SYNPO: variants seen among roughly 807,000 people sequenced by gnomAD.
SYNPO encodes the protein synaptopodin.
Under a neutral mutation model 49.5 loss-of-function variants are expected in SYNPO, and 19 were observed. The observed-to-expected ratio is 0.38, with a 90% CI of 0.27 to 0.56. The LOEUF (loss-of-function observed/expected upper bound fraction) is 0.56. Among genes scored for constraint, SYNPO ranks in the 20% least tolerant of loss-of-function variants. The pLI is 0.68. For missense variants in SYNPO, 1,131 were observed against 1,248.3 expected, an observed-to-expected ratio of 0.91 and a Z score of 1.42; for synonymous variants, 536 against 548.0, an observed-to-expected ratio of 0.98 and a Z score of 0.31.
At chr5:150,651,254 C>T (rs755884170) in intron 2 of SYNPO, 46 of 1,001,966 alleles carry the variant, frequency 4.6e-5, no homozygotes, top group Admixed American at 1.2e-4. Flanking sequence ...CACCTCAGCG[C>T]AGTGGAACGG....
At chr5:150,628,067 G>GTGTGTGTGT (rs1561643388) in intron 2 of SYNPO, among the ~76,000 whole-genome samples, 3 of 126,682 alleles carry the variant, frequency 2.4e-5, no homozygotes, top group African/African-American at 8.9e-5. Context: ...TGTGTGTGTG[G>GTGTGTGTGT]TCAGAGTCTT....
At position 150,656,272 on chromosome 5, in the gene SYNPO, G is replaced by A. The variant is rs1035523898; in HGVS notation, c.2029-132G>A. 8 of 698,908 alleles carry A rather than the reference G, an allele frequency of 1.1e-5. No homozygotes were observed. In the Admixed American group the frequency reaches 1.3e-4, roughly 12 times the overall value. 43.3% of individuals were successfully genotyped at this position (698,908 alleles called of 1,614,324 possible). On this transcript the variant is annotated intron_variant, in intron 2 of 2. Coordinates refer to ENST00000307662, the MANE Select transcript of SYNPO (RefSeq NM_007286.6). The stretch of plus-strand genomic sequence containing the variant: ...GTTTGGGCGCCTGCGTTTTATTGCA[G>A]GCACTACCTGACTTGGATCGGTGGC...
At chr5:150,650,741 T>C (rs1176107281) in intron 2 of SYNPO, 4 of 1,303,114 alleles carry the variant, frequency 3.1e-6, no homozygotes, top group Non-Finnish European at 2.0e-6. Context: ...CCAGTGCCTG[T>C]GGAGTCAGCC....
intron 1 of SYNPO, among the ~76,000 whole-genome samples, chr5:150,610,139 C>A (rs1005631634): frequency 6.6e-6 from 1 of 152,242 alleles, no homozygotes; most frequent in Non-Finnish European, 1.5e-5. Context: ...CCACTTGGAA[C>A]AGGCTTGAGT....
intron 1 of SYNPO, among the ~76,000 whole-genome samples, chr5:150,614,021 G>T (rs1331739353): frequency 6.6e-6 from 1 of 152,106 alleles, no homozygotes; most frequent in Non-Finnish European, 1.5e-5. Flanking sequence ...AGCACTTGGG[G>T]CCCCGAATGC....
Position 150,657,099 on chromosome 5 carries a change from CG to C in SYNPO, c.*13del. ...CCTGCACCACCTAGAGCCCCACCCC[CG>C]ACCCCACCCCGGGAGGGCAGAGCCA... is the stretch of plus-strand genomic sequence containing the variant. On this transcript the variant is annotated 3_prime_UTR_variant, in exon 3 of 3. Transcript: ENST00000307662. 1 of 1,550,334 alleles carries C rather than the reference CG, an allele frequency of 6.5e-7. No homozygotes were observed.
At chr5:150,601,033 C>G (rs917089661), upstream of SYNPO, 3 of 152,178 alleles carry the variant, frequency 2.0e-5, no homozygotes, top group African/African-American at 4.8e-5. Flanking sequence ...CCCGCCCGCC[C>G]CCCTGACACC....
the SYNPO span, among the ~76,000 whole-genome samples, chr5:150,590,213 T>G: frequency 1.3e-5 from 2 of 152,228 alleles, no homozygotes; most frequent in African/African-American, 2.4e-5. Flanking sequence ...GAGAAGCATC[T>G]TTGCTGAGGA....
chr5:150,645,511 T>C (rs976437613), intron 1 of SYNPO, among the ~76,000 whole-genome samples: 2 of 152,192 alleles, frequency 1.3e-5, no homozygotes, highest in African/African-American at 4.8e-5. Flanking sequence ...CCACTGGGGA[T>C]AGAAAGAGAA....
upstream of SYNPO, among the ~76,000 whole-genome samples, chr5:150,638,711 A>G (rs1437166022): frequency 6.6e-6 from 1 of 152,186 alleles, no homozygotes; most frequent in Middle Eastern, 3.2e-3. Context: ...GGGGACCCGC[A>G]GATGACCTAG....
At chr5:150,591,265 C>A in the SYNPO span, among the ~76,000 whole-genome samples, 1 of 152,184 alleles carries the variant, frequency 6.6e-6, no homozygotes, top group Non-Finnish European at 1.5e-5. Context: ...CAGTAACAGC[C>A]CCTCTGAAGC....
chr5:150,650,111 C>A lies in SYNPO; in HGVS notation c.1836C>A (p.Ala612=), dbSNP rs772280640. ...AGGGGGCTCTCCCTCCATCTCCTGC[C>A]CTGCCTCGGCCCTCGCGCTCCTCAC... The part of the protein sequence containing the change: ...LPKGALPPSP[A]LPRPSRSSPG... The change falls in exon 2 of 3, where the codon GCC becomes GCA. Residue 612 remains alanine, a synonymous_variant. Coordinates refer to ENST00000307662, the MANE Select transcript of SYNPO (RefSeq NM_007286.6). 5 of 1,613,650 alleles carry A rather than the reference C, an allele frequency of 3.1e-6. No homozygotes were observed. The highest frequency in any genetic ancestry group is 2.5e-6 in the Non-Finnish European group (3 of 1,179,976).
At chr5:150,601,778 G>C (rs1441134460) in intron 1 of SYNPO, among the ~76,000 whole-genome samples, 1 of 152,172 alleles carries the variant, frequency 6.6e-6, no homozygotes, top group Non-Finnish European at 1.5e-5. Flanking sequence ...GGTCCTCACT[G>C]TGCAGAGACT....
At chr5:150,609,621 C>T (rs1430782370) in intron 1 of SYNPO, among the ~76,000 whole-genome samples, 2 of 152,218 alleles carry the variant, frequency 1.3e-5, no homozygotes, top group Non-Finnish European at 2.9e-5. Context: ...AATTTTTAGT[C>T]CTTGAACCCT....
chr5:150,596,227 G>T (rs1405832674), upstream of SYNPO, among the ~76,000 whole-genome samples: 1 of 152,034 alleles, frequency 6.6e-6, no homozygotes, highest in Admixed American at 6.5e-5. Flanking sequence ...TGGGGGAGGG[G>T]GTCACCCTGC....
intron 2 of SYNPO, among the ~76,000 whole-genome samples, chr5:150,631,850 G>T (rs1177192523): frequency 6.6e-6 from 1 of 152,168 alleles, no homozygotes; most frequent in Non-Finnish European, 1.5e-5. Context: ...GTGCGTTCCT[G>T]GGCAGGAGGC....
At chr5:150,651,298 TC>T in intron 2 of SYNPO, 1 of 1,000,892 alleles carries the variant, frequency 1.0e-6, no homozygotes, top group Non-Finnish European at 1.2e-6. Flanking sequence ...AGGGTTCCGG[TC>T]CCATGTCACC....
In SYNPO at chr5:150,648,119, G is replaced by A; in HGVS notation, c.-157G>A. 6.4e-7 allele frequency: 1 copy of A among 1,552,050 alleles called. No homozygotes were observed. The highest frequency in any genetic ancestry group is 1.2e-5 in the South Asian group (1 of 84,152). The stretch of plus-strand genomic sequence containing the variant: ...TCACCTTGGAGAGCCACGGCCAGAG[G>A]GGACAGAAGCCCAGCCAGGAGTCCC... On this transcript the variant is annotated 5_prime_UTR_variant, in exon 2 of 3. Transcript: ENST00000307662. This position sits in a 1 kb window ranked among gnomAD's most constrained non-coding sequence, Gnocchi z 5.0.
intron 1 of SYNPO, among the ~76,000 whole-genome samples, chr5:150,602,947 C>A (rs4571460): frequency 0.34 from 51,288 of 151,480 alleles, 9,086 homozygotes; most frequent in Middle Eastern, 0.49. Flanking sequence ...AACTAGCAAC[C>A]GCCCTGTAAT....
Sources: gnomAD v4.1 joint callset for allele counts (sites outside exome capture counted in the v4.1 genomes callset) on GRCh38, gnomAD v4.1.1 for gene constraint, Gnocchi (gnomAD v3.1) non-coding constraint, MANE v1.5 for transcripts, NCBI Gene and HGNC (gene_info 2026-07-23, HGNC 2026-07-21) for gene names.